Variants in EFCAB14 observed in about 807,000 individuals in gnomAD.
The protein encoded by EFCAB14 is EF-hand calcium-binding domain-containing protein 14.
In EFCAB14, 43 loss-of-function variants were observed where a neutral mutation model predicts 56.5. That is an observed-to-expected ratio of 0.76 (90% confidence interval 0.60 to 0.98). The LOEUF is 0.98. Ranked by LOEUF, EFCAB14 falls within the 50% of genes least tolerant of loss-of-function variation. The probability of loss-of-function intolerance (pLI) is 0.00; values close to 1 mark genes in which losing one functional copy is unlikely to be tolerated. For missense variants in EFCAB14, 538 were observed against 580.3 expected, an observed-to-expected ratio of 0.93 and a Z score of 0.75; for synonymous variants, 235 against 212.9, an observed-to-expected ratio of 1.10 and a Z score of -0.90.
chr1:46,702,353 C>T (rs1353986819), intron 3 of EFCAB14, among the ~76,000 whole-genome samples: 8 of 152,208 alleles, frequency 5.3e-5, no homozygotes, highest in Admixed American at 5.2e-4. Context: ...AGCAGGGACT[C>T]AGCATCATAT....
intron 3 of EFCAB14, among the ~76,000 whole-genome samples, chr1:46,702,797 T>C (rs1162642189): frequency 6.6e-6 from 1 of 152,074 alleles, no homozygotes; most frequent in East Asian, 1.9e-4. Context: ...CATAAGGTAT[T>C]TGGACTGAGT....
At chr1:46,699,693 A>C (rs1677128509) in intron 3 of EFCAB14, among the ~76,000 whole-genome samples, 1 of 152,228 alleles carries the variant, frequency 6.6e-6, no homozygotes, top group African/African-American at 2.4e-5. Context: ...CAACTATCTT[A>C]TAAGGATACG....
intron 3 of EFCAB14, among the ~76,000 whole-genome samples, chr1:46,703,397 T>A (rs1327923554): frequency 6.6e-6 from 1 of 152,202 alleles, no homozygotes; most frequent in Non-Finnish European, 1.5e-5. Flanking sequence ...CATAAGCCAC[T>A]GTGCCCGGCC....
chr1:46,686,463 T>C (rs1356830572), intron 8 of EFCAB14, among the ~76,000 whole-genome samples: 2 of 152,204 alleles, frequency 1.3e-5, no homozygotes, highest in Non-Finnish European at 2.9e-5. Context: ...ATAATACTTA[T>C]CATACTCATG....
At chr1:46,684,002 G>T (rs1258421969) in intron 9 of EFCAB14, among the ~76,000 whole-genome samples, 1 of 152,170 alleles carries the variant, frequency 6.6e-6, no homozygotes, top group Non-Finnish European at 1.5e-5. Flanking sequence ...TCCTCACAGG[G>T]TCTAAATCAG....
At chr1:46,679,911 A>C (rs1407130931) in intron 10 of EFCAB14, among the ~76,000 whole-genome samples, 1 of 152,020 alleles carries the variant, frequency 6.6e-6, no homozygotes, top group Non-Finnish European at 1.5e-5. Flanking sequence ...CAAATTTCTT[A>C]TTACCTAGTC....
At chr1:46,692,951 A>G (rs905779109) in intron 4 of EFCAB14, among the ~76,000 whole-genome samples, 11 of 152,210 alleles carry the variant, frequency 7.2e-5, no homozygotes, top group Admixed American at 3.3e-4. Context: ...GCCTCTGTCA[A>G]TCCCTGCTGT....
intron 3 of EFCAB14, among the ~76,000 whole-genome samples, chr1:46,704,161 T>A (rs1377319771): frequency 6.6e-6 from 1 of 152,010 alleles, no homozygotes; most frequent in African/African-American, 2.4e-5. Flanking sequence ...GATTATAAGA[T>A]CCTTGAGGGA....
chr1:46,695,372 T>G (rs1410861699), intron 4 of EFCAB14, among the ~76,000 whole-genome samples: 1 of 152,124 alleles, frequency 6.6e-6, no homozygotes, highest in Non-Finnish European at 1.5e-5. Flanking sequence ...CCCCTTTTTT[T>G]TCCCCCCGAA....
intron 4 of EFCAB14, among the ~76,000 whole-genome samples, chr1:46,693,814 C>T (rs1569704619): frequency 6.6e-6 from 1 of 152,104 alleles, no homozygotes; most frequent in Non-Finnish European, 1.5e-5. Context: ...GAGGAAGTTC[C>T]ACAAATGTTT....
intron 2 of EFCAB14, 144 bp downstream of exon 2, chr1:46,716,151 G>T: frequency 1.1e-6 from 1 of 913,720 alleles, no homozygotes; most frequent in Non-Finnish European, 1.6e-6. Context: ...TCAGAAGGCT[G>T]ACCATGAGAA....
chr1:46,706,024 C>A (rs1422999206), intron 3 of EFCAB14, among the ~76,000 whole-genome samples: 1 of 151,840 alleles, frequency 6.6e-6, no homozygotes, highest in East Asian at 1.9e-4. Context: ...GCCACCATGC[C>A]CGGCTAATTA....
At chr1:46,709,220 CT>C (rs1290921622) in intron 2 of EFCAB14, among the ~76,000 whole-genome samples, 2 of 152,082 alleles carry the variant, frequency 1.3e-5, no homozygotes, top group African/African-American at 4.8e-5. Flanking sequence ...AATATTTCAC[CT>C]TTGCTTAACT....
Position 46,676,421 on chromosome 1 carries a change from T to C in EFCAB14, c.*2040A>G, listed in dbSNP as rs1470082932. 1 of 152,554 alleles carries C rather than the reference T, an allele frequency of 6.6e-6. No homozygotes were observed. The highest frequency in any genetic ancestry group is 2.4e-5 in the African/African-American group (1 of 41,448). 9.5% of individuals were successfully genotyped at this position (152,554 alleles called of 1,614,324 possible). ...ACAAAGAGTTAAGGTGTCTTCAAAG[T>C]ATCTGCCTATGAATAAGAATTTGAA... On this transcript the variant is annotated 3_prime_UTR_variant, in exon 11 of 11. Transcript: ENST00000371933.
chr1:46,717,147 A>G lies in EFCAB14; in HGVS notation c.186-704T>C, dbSNP rs75935625. The stretch of plus-strand genomic sequence containing the variant: ...CCTTAGCTGACAAAGCTCATTAGAA[A>G]TCAAACTCTTCCTTTAACAAAACAA... On this transcript the variant is annotated intron_variant, in intron 1 of 10. Transcript: ENST00000371933. 4.2e-3 allele frequency among the ~76,000 whole-genome samples: 644 copies of G among 152,328 alleles called. 1 individual carries two copies. Among genetic ancestry groups the G allele is most frequent in the African/African-American group, 0.014 (592 of 41,562 alleles).
At chr1:46,695,037 T>A (rs1303675667) in intron 4 of EFCAB14, among the ~76,000 whole-genome samples, 1 of 133,788 alleles carries the variant, frequency 7.5e-6, no homozygotes, top group East Asian at 2.3e-4. Flanking sequence ...ATGAGAACAC[T>A]TGGACACAGG....
chr1:46,688,990 C>A (rs1676935044), intron 6 of EFCAB14, among the ~76,000 whole-genome samples: 2 of 152,152 alleles, frequency 1.3e-5, no homozygotes, highest in Non-Finnish European at 2.9e-5. Context: ...GTATAAGATT[C>A]AATTATTTTT....
At chr1:46,684,277 A>G in intron 9 of EFCAB14, 1 of 525,318 alleles carries the variant, frequency 1.9e-6, no homozygotes, top group Non-Finnish European at 3.4e-6. Flanking sequence ...CCAGCTAAAC[A>G]TTACCAATTC....
Position 46,691,881 on chromosome 1 carries a change from T to C in EFCAB14, c.636A>G (p.Leu212=), listed in dbSNP as rs768891225. The C allele has an allele frequency of 1.9e-6, 3 of 1,613,522 alleles. No homozygotes were observed. Among genetic ancestry groups the C allele is most frequent in the Non-Finnish European group, 1.7e-6 (2 of 1,179,764 alleles). ...LNSVHLAVEA[L]QKTVDEHKKT... ...TCTTGTGTTCATCCACAGTTTTCTG[T>C]AGTGCTTCCACAGCAAGATGGACGC... Residue 212 remains leucine (L), a synonymous_variant, in exon 5 of 11, where the codon CTA becomes CTG. Transcript: ENST00000371933.
Sources: allele counts gnomAD v4.1 joint callset (sites outside exome capture counted in the v4.1 genomes callset), GRCh38; gene constraint gnomAD v4.1.1; transcripts MANE v1.5; gene names NCBI Gene and HGNC (gene_info 2026-07-23, HGNC 2026-07-21).